Variants in DMD observed in about 807,000 individuals in gnomAD.
The protein encoded by DMD is mutant dystrophin.
A neutral mutation model predicts 330.1 loss-of-function variants in DMD; 63 were observed. That is an observed-to-expected ratio of 0.19 (90% confidence interval 0.16 to 0.24). The LOEUF (loss-of-function observed/expected upper bound fraction) is 0.24. Among genes scored for constraint, DMD ranks in the 10% least tolerant of loss-of-function variants. The pLI is 1.00. For synonymous variants in DMD, 1,223 were observed against 959.8 expected (o/e 1.27, Z -5.07); for missense variants, 3,344 against 2,684.1 (o/e 1.25, Z -5.43).
chrX:31,458,704 C>T (rs1407778682), intron 59 of DMD, among the ~76,000 whole-genome samples: 1 of 109,786 alleles, frequency 9.1e-6, no homozygotes, highest in African/African-American at 3.3e-5. Flanking sequence ...AATACAATTT[C>T]AGTAGGAAAA....
At chrX:31,368,076 C>T (rs769239202) in intron 60 of DMD, among the ~76,000 whole-genome samples, 6 of 111,430 alleles carry the variant, frequency 5.4e-5, no homozygotes, top group Non-Finnish European at 1.1e-4. Flanking sequence ...GCTGTATAGC[C>T]AGCATCCCTT....
intron 29 of DMD, among the ~76,000 whole-genome samples, chrX:32,425,719 A>C (rs1437398600): frequency 9.0e-6 from 1 of 111,602 alleles, no homozygotes; most frequent in Non-Finnish European, 1.9e-5. Flanking sequence ...TGGAGGCATC[A>C]TGTTAGCTGA....
chrX:32,589,070 T>C (rs1007099316), intron 13 of DMD, among the ~76,000 whole-genome samples: 7 of 111,925 alleles, frequency 6.3e-5, no homozygotes, highest in African/African-American at 2.3e-4. Flanking sequence ...AACTTCTGTC[T>C]GCTTCTGATA....
chrX:31,194,608 T>C (rs1431846065), intron 67 of DMD, among the ~76,000 whole-genome samples: 1 of 112,191 alleles, frequency 8.9e-6, no homozygotes, highest in East Asian at 2.8e-4. Flanking sequence ...ATTGAACAGA[T>C]GTATGACACA....
chrX:32,751,301 G>C, intron 7 of DMD, among the ~76,000 whole-genome samples: 1 of 111,040 alleles, frequency 9.0e-6, no homozygotes, highest in East Asian at 2.9e-4. Context: ...ATGATGTAGA[G>C]AATGAAATCC....
chrX:31,725,241 T>A (rs1298509204), intron 52 of DMD, among the ~76,000 whole-genome samples: 2 of 111,431 alleles, frequency 1.8e-5, no homozygotes, highest in Non-Finnish European at 3.8e-5. Flanking sequence ...TAATTTTATC[T>A]ACCTATTAAA....
At chrX:32,583,186 T>A (rs939371813) in intron 13 of DMD, among the ~76,000 whole-genome samples, 1 of 112,054 alleles carries the variant, frequency 8.9e-6, no homozygotes, top group African/African-American at 3.3e-5. Flanking sequence ...TCTGGTGCAT[T>A]TTTTCTTTTA....
intron 7 of DMD, among the ~76,000 whole-genome samples, chrX:32,718,433 G>A (rs934726155): frequency 9.0e-6 from 1 of 111,284 alleles, no homozygotes; most frequent in African/African-American, 3.3e-5. Context: ...GACCTCCCCA[G>A]CCATGCTTCC....
intron 44 of DMD, among the ~76,000 whole-genome samples, chrX:32,041,317 C>A (rs139275724): frequency 2.7e-5 from 3 of 111,904 alleles, no homozygotes; most frequent in South Asian, 7.5e-4. Context: ...GTCTCTCCCC[C>A]CTTCCTGGTG....
At chrX:31,714,114 G>T (rs2084848094) in intron 52 of DMD, among the ~76,000 whole-genome samples, 1 of 111,225 alleles carries the variant, frequency 9.0e-6, no homozygotes, top group South Asian at 3.7e-4. Context: ...TGTTTAATTT[G>T]CTGCCATAAG....
chrX:32,596,688 G>A (rs1238469308), intron 12 of DMD, among the ~76,000 whole-genome samples: 1 of 110,185 alleles, frequency 9.1e-6, no homozygotes, highest in African/African-American at 3.3e-5. Context: ...TGAGATTACA[G>A]GTGCACACCA....
At chrX:32,090,032 A>G (rs943488714) in intron 44 of DMD, among the ~76,000 whole-genome samples, 10 of 112,213 alleles carry the variant, frequency 8.9e-5, no homozygotes, top group African/African-American at 2.9e-4. Flanking sequence ...GGAATCTTAC[A>G]GCTAGCTACT....
chrX:32,810,164 G>A (rs187174369), intron 6 of DMD, among the ~76,000 whole-genome samples: 6 of 110,479 alleles, frequency 5.4e-5, no homozygotes, highest in South Asian at 3.9e-4. Context: ...TACATACAAC[G>A]TTTATTTGTC....
chrX:31,819,936 A>G, intron 50 of DMD, 39 bp downstream of exon 50: 4 of 1,119,197 alleles, frequency 3.6e-6, no homozygotes, highest in Non-Finnish European at 4.9e-6. Context: ...TTTTGAACAA[A>G]TAGCTAGAGC....
intron 1 of DMD, among the ~76,000 whole-genome samples, chrX:33,234,135 T>C (rs1374951229): frequency 8.9e-6 from 1 of 111,904 alleles, no homozygotes; most frequent in African/African-American, 3.3e-5. Flanking sequence ...GGAAGGTAGA[T>C]TGGAATTGCA....
At position 32,438,269 on chromosome X, in the gene DMD, T is replaced by C; in HGVS notation, c.4043A>G (p.Asn1348Ser). ...TTCATGTAGTTCCCTCCAACGAGAA[T>C]TAAATGTCTCAAGTTCCTCATTGAT... ...ELINEELETF[N>S]SRWRELHEEA... The change falls in exon 29 of 79, where the codon AAT becomes AGT. Residue 1348 changes from asparagine to serine, a missense_variant. Coordinates refer to ENST00000357033, the MANE Select transcript of DMD (RefSeq NM_004006.3). 8.3e-7 allele frequency: 1 copy of C among 1,211,563 alleles called. No homozygotes were observed. Among genetic ancestry groups the C allele is most frequent in the Non-Finnish European group, 1.1e-6 (1 of 895,289 alleles).
chrX:31,681,368 A>G (rs912059032), intron 52 of DMD, among the ~76,000 whole-genome samples: 1 of 102,548 alleles, frequency 9.8e-6, no homozygotes, highest in African/African-American at 4.6e-5. Context: ...TAGAGCTGTT[A>G]CTACATCTAG....
intron 1 of DMD, among the ~76,000 whole-genome samples, chrX:33,082,482 A>T (rs1347570511): frequency 8.9e-6 from 1 of 112,052 alleles, no homozygotes; most frequent in Admixed American, 9.5e-5. Context: ...CACAAATAAC[A>T]AATCAGAAAG....
intron 1 of DMD, among the ~76,000 whole-genome samples, chrX:33,174,629 G>C (rs2049548494): frequency 9.0e-6 from 1 of 110,863 alleles, no homozygotes; most frequent in Non-Finnish European, 1.9e-5. Flanking sequence ...CTTAATTAAG[G>C]AATTTAGAGA....
Sources: allele counts gnomAD v4.1 joint callset (sites outside exome capture counted in the v4.1 genomes callset), GRCh38; gene constraint gnomAD v4.1.1; transcripts MANE v1.5; gene names NCBI Gene and HGNC (gene_info 2026-07-23, HGNC 2026-07-21).